Variants in ARHGEF12 observed in about 807,000 individuals in gnomAD.
ARHGEF12 encodes the protein KMT2A/ARHGEF12 fusion protein.
Under a neutral mutation model 211.2 loss-of-function variants are expected in ARHGEF12, and 66 were observed. The observed-to-expected ratio is 0.31, with a 90% CI of 0.26 to 0.38. The LOEUF (loss-of-function observed/expected upper bound fraction) is 0.38. ARHGEF12 is among the 10% of genes least tolerant of loss of function. The pLI is 1.00. For missense variants in ARHGEF12, 1,429 were observed against 1,869.5 expected (o/e 0.76, Z 4.34); for synonymous variants, 592 against 638.4 (o/e 0.93, Z 1.09).
chr11:120,368,194 C>T (rs1180743717), intron 1 of ARHGEF12, among the ~76,000 whole-genome samples: 1 of 152,168 alleles, frequency 6.6e-6, no homozygotes, highest in African/African-American at 2.4e-5. Context: ...CCTCCCGCCT[C>T]ATTGTCCATA....
At chr11:120,347,066 G>T (rs1181432043) in intron 1 of ARHGEF12, among the ~76,000 whole-genome samples, 2 of 152,064 alleles carry the variant, frequency 1.3e-5, no homozygotes, top group African/African-American at 4.8e-5. Flanking sequence ...TTCATTTTGA[G>T]TATTTCTGGA....
intron 1 of ARHGEF12, among the ~76,000 whole-genome samples, chr11:120,369,010 G>C (rs1943512424): frequency 6.6e-6 from 1 of 152,060 alleles, no homozygotes; most frequent in African/African-American, 2.4e-5. Context: ...TCATTCTTTA[G>C]GTGCTGAAAC....
Position 120,447,062 on chromosome 11 carries a change from T to G in ARHGEF12, c.1566T>G (p.Ile522Met). Reference sequence around the variant, plus strand: ...AGGAGCGGACATGTGCAGAACAGATTGTTGCCAAAATTGAAGAAGTATTGT... The same window carrying G: ...AGGAGCGGACATGTGCAGAACAGATGGTTGCCAAAATTGAAGAAGTATTGT... ...LEKERTCAEQ[I>M]VAKIEEVLMT... The change falls in exon 18 of 41, where the codon ATT (isoleucine) becomes ATG (methionine). Residue 522 changes from isoleucine (I) to methionine (M), a missense_variant. Around this residue, in one of 7 missense-constraint regions of ARHGEF12, gnomAD observed 373 missense variants for 467.5 expected, o/e 0.80. Transcript: ENST00000397843. The G allele has an allele frequency of 6.2e-7, 1 of 1,614,038 alleles. No individual in the cohort carries two copies. Among genetic ancestry groups the G allele is most frequent in the Non-Finnish European group, 8.5e-7 (1 of 1,179,970 alleles).
intron 3 of ARHGEF12, 67 bp downstream of exon 3, chr11:120,407,890 C>A: frequency 7.6e-7 from 1 of 1,309,942 alleles, no homozygotes; most frequent in Non-Finnish European, 1.1e-6. Flanking sequence ...AGAGCTTAAG[C>A]TACCCGAAAC....
intron 4 of ARHGEF12, among the ~76,000 whole-genome samples, chr11:120,418,556 A>G (rs974816792): frequency 6.6e-6 from 1 of 152,230 alleles, no homozygotes; most frequent in Admixed American, 6.5e-5. Flanking sequence ...CTTTCTCTTC[A>G]GAGTAAAATT....
intron 1 of ARHGEF12, among the ~76,000 whole-genome samples, chr11:120,356,276 C>T (rs1020929586): frequency 2.0e-5 from 3 of 152,086 alleles, no homozygotes; most frequent in South Asian, 2.1e-4. Context: ...GCTGGAGTGC[C>T]GTGGCATGAT....
At chr11:120,393,503 A>G (rs1944283321) in intron 1 of ARHGEF12, among the ~76,000 whole-genome samples, 1 of 152,226 alleles carries the variant, frequency 6.6e-6, no homozygotes, top group South Asian at 2.1e-4. Context: ...CTGCTAATCT[A>G]CATTAAAGGA....
At chr11:120,378,304 T>G (rs1313883923) in intron 1 of ARHGEF12, among the ~76,000 whole-genome samples, 1 of 152,204 alleles carries the variant, frequency 6.6e-6, no homozygotes, top group Non-Finnish European at 1.5e-5. Flanking sequence ...ATTGACCTTT[T>G]GTTCTCTTTT....
At chr11:120,387,794 G>T (rs1944084728) in intron 1 of ARHGEF12, among the ~76,000 whole-genome samples, 1 of 152,090 alleles carries the variant, frequency 6.6e-6, no homozygotes, top group South Asian at 2.1e-4. Context: ...CTCAAATGCT[G>T]TAAATTTACA....
At chr11:120,399,344 A>AAAAAAAAAAAAAAAAAAAAAAT (rs1944490088) in intron 1 of ARHGEF12, among the ~76,000 whole-genome samples, 1 of 149,094 alleles carries the variant, frequency 6.7e-6, no homozygotes, top group Non-Finnish European at 1.5e-5. Context: ...AAAAAAAAAA[A>AAAAAAAAAAAAAAAAAAAAAAT]AAAAAAAGAA....
chr11:120,429,673 TA>T (rs1431132413), intron 9 of ARHGEF12, 38 bp from the exon 10 acceptor site: 1 of 1,586,840 alleles, frequency 6.3e-7, no homozygotes. Flanking sequence ...CTTTTTTACA[TA>T]AGTAATTAAT....
rs775962877 is a variant in ARHGEF12, at chr11:120,351,408, AATATATATATATATATATATATATATAT to A, written c.32+14154_32+14181del. 2.4e-4 allele frequency among the ~76,000 whole-genome samples: 17 copies of A among 70,478 alleles called. 2 individuals are homozygous for A. The highest frequency in any genetic ancestry group is 3.9e-4 in the Admixed American group (2 of 5,102). The allele number at this position is 70,478 out of a possible 152,430, so 46.2% of individuals were successfully genotyped here. A position where few individuals can be genotyped will look rare whatever the true frequency, so the allele number is the denominator to read the frequency against. On this transcript the variant is annotated intron_variant, in intron 1 of 40. Transcript: ENST00000397843. ...CAAGATACTTGGGATGTAGGAAAGG[AATATATATATATATATATATATATATAT>A]ATATATATATATATATATATTTTTT...
In ARHGEF12 at chr11:120,461,848, C is replaced by T. The variant is rs77225307; in HGVS notation, c.2613+1091C>T. ...TTTCTTAAATCTCATCAGTTTACCC[C>T]TGCTACCTTCAAACTCTTCGTCTGC... is the stretch of plus-strand genomic sequence containing the variant. On this transcript the variant is annotated intron_variant, in intron 27 of 40. Coordinates refer to ENST00000397843, the MANE Select transcript of ARHGEF12 (RefSeq NM_015313.3). Among the ~76,000 whole-genome samples the T allele has an allele frequency of 7.9e-5, 12 of 152,316 alleles. No homozygotes were observed. The East Asian group carries it at 2.1e-3, about 27-fold the overall frequency.
At chr11:120,404,857 A>G (rs1248142006) in intron 1 of ARHGEF12, among the ~76,000 whole-genome samples, 1 of 152,070 alleles carries the variant, frequency 6.6e-6, no homozygotes, top group Non-Finnish European at 1.5e-5. Context: ...TCCCTCTCCT[A>G]CCTCAACAGT....
chr11:120,429,773 C>T lies in ARHGEF12; in HGVS notation c.725C>T (p.Ala242Val), dbSNP rs1172255122. The change falls in exon 10 of 41, where the codon GCC becomes GTC. Residue 242 changes from alanine (A) to valine (V), a missense_variant. Physicochemically the swap from Ala to Val is moderately conservative, Grantham distance 64. Transcript: ENST00000397843. ...AGATTGCTAAAAGAGATCCAAGAGGCCAAGAAACACATTCCTCAGCTGCAA... is the reference window on the plus strand; with the variant it reads ...AGATTGCTAAAAGAGATCCAAGAGGTCAAGAAACACATTCCTCAGCTGCAA... ...AQRLLKEIQE[A>V]KKHIPQLQEQ... The T allele has an allele frequency of 2.6e-5, 42 of 1,613,870 alleles. No individual in the cohort carries two copies. Among genetic ancestry groups the T allele is most frequent in the Non-Finnish European group, 3.5e-5 (41 of 1,179,860 alleles).
rs142832127 is a variant in ARHGEF12 at position 120,430,145 on chromosome 11, T to C, written c.783+314T>C. Reference sequence around the variant, plus strand: ...ATATATTTATATTTTTTGTGGTTCATTCTGCCATCTTAAAACAGAATGGCA... The same window carrying C: ...ATATATTTATATTTTTTGTGGTTCACTCTGCCATCTTAAAACAGAATGGCA... On this transcript the variant is annotated intron_variant, in intron 10 of 40. Coordinates refer to ENST00000397843, the MANE Select transcript of ARHGEF12 (RefSeq NM_015313.3). Among the ~76,000 whole-genome samples the C allele has an allele frequency of 2.1e-3, 319 of 152,068 alleles. 7 individuals are homozygous for C. The Middle Eastern group carries it at 0.024, about 11-fold the overall frequency.
chr11:120,351,645 A>G (rs1942976931), intron 1 of ARHGEF12, among the ~76,000 whole-genome samples: 1 of 150,630 alleles, frequency 6.6e-6, no homozygotes, highest in African/African-American at 2.4e-5. Context: ...TAATTTTTGT[A>G]TTTTTAGTAG....
At position 120,458,075 on chromosome 11, in the gene ARHGEF12, C is replaced by T. The variant is rs766267410; in HGVS notation, c.2226-5C>T. Reference sequence around the variant, plus strand: ...CAAATTGAATTCACTCTTTTTTCTTCATAGGTTTGACAGTGTAGCTTTTGG... The same window carrying T: ...CAAATTGAATTCACTCTTTTTTCTTTATAGGTTTGACAGTGTAGCTTTTGG... On this transcript the variant is annotated splice_polypyrimidine_tract_variant and splice_region_variant and intron_variant, in intron 24 of 40. Transcript: ENST00000397843. 5 of 1,596,362 alleles carry T rather than the reference C, an allele frequency of 3.1e-6. No homozygotes were observed. The highest frequency in any genetic ancestry group is 3.7e-5 in the Admixed American group (2 of 53,486).
intron 1 of ARHGEF12, among the ~76,000 whole-genome samples, chr11:120,383,447 T>A (rs1360900035): frequency 1.3e-5 from 2 of 152,188 alleles, no homozygotes; most frequent in African/African-American, 4.8e-5. Flanking sequence ...ATGAAATAAT[T>A]ATATACTCAC....
Sources: allele counts gnomAD v4.1 joint callset (sites outside exome capture counted in the v4.1 genomes callset), GRCh38; gene constraint gnomAD v4.1.1; regional missense constraint gnomAD v4.1.1; transcripts MANE v1.5; gene names NCBI Gene and HGNC (gene_info 2026-07-23, HGNC 2026-07-21).